CSMD1: variants seen among roughly 807,000 people sequenced by gnomAD.
The protein encoded by CSMD1 is CUB and Sushi multiple domains 1.
A neutral mutation model predicts 417.5 loss-of-function variants in CSMD1; 213 were observed. The ratio of observed to expected loss-of-function variants is 0.51; its 90% CI spans 0.46 to 0.57. The LOEUF (loss-of-function observed/expected upper bound fraction) is 0.57. Among genes scored for constraint, CSMD1 ranks in the 20% least tolerant of loss-of-function variants. CSMD1 has a pLI of 0.00. For synonymous variants in CSMD1, 2,862 were observed against 1,736.8 expected (o/e 1.65, Z -16.11); for missense variants, 6,923 against 4,529.7 (o/e 1.53, Z -15.17).
chr8:4,359,038 GC>G (rs773802991), intron 3 of CSMD1, among the ~76,000 whole-genome samples: 1 of 151,906 alleles, frequency 6.6e-6, no homozygotes. Context: ...TATATATGTG[GC>G]AAAATCAATA....
At chr8:4,009,480 G>A (rs1816381346) in intron 4 of CSMD1, among the ~76,000 whole-genome samples, 1 of 152,008 alleles carries the variant, frequency 6.6e-6, no homozygotes, top group Non-Finnish European at 1.5e-5. Context: ...CAAACCATAG[G>A]GTCATCAAAT....
rs147492677 is a variant in CSMD1, at chr8:4,937,090, G to C, written c.85+57242C>G. On this transcript the variant is annotated intron_variant, in intron 1 of 69. Transcript: ENST00000635120. Reference sequence around the variant, plus strand: ...TAGCCAGGCATTGTGGCACACACCTGTAGTCCCAGCTATCCAGGAGGCTGA... The same window carrying C: ...TAGCCAGGCATTGTGGCACACACCTCTAGTCCCAGCTATCCAGGAGGCTGA... 3.7e-3 allele frequency among the ~76,000 whole-genome samples: 560 copies of C among 152,270 alleles called. 5 individuals are homozygous for C. The highest frequency in any genetic ancestry group is 0.013 in the African/African-American group (531 of 41,548).
intron 3 of CSMD1, among the ~76,000 whole-genome samples, chr8:4,412,273 G>A (rs11775580): frequency 0.024 from 3,605 of 152,222 alleles, 61 homozygotes; most frequent in Middle Eastern, 0.037. Flanking sequence ...GATTTCTCAT[G>A]AATAGTTTAC....
chr8:4,357,297 C>T (rs552535192), intron 3 of CSMD1, among the ~76,000 whole-genome samples: 1 of 152,294 alleles, frequency 6.6e-6, no homozygotes, highest in South Asian at 2.1e-4. Flanking sequence ...GGCCATTGTG[C>T]TTTCTCACAT....
intron 3 of CSMD1, among the ~76,000 whole-genome samples, chr8:4,171,138 C>T (rs1274393914): frequency 6.6e-6 from 1 of 151,884 alleles, no homozygotes; most frequent in Admixed American, 6.5e-5. Flanking sequence ...GGTATCCATG[C>T]TCCTGCTTAG....
At chr8:4,593,240 GA>G (rs1800078481) in intron 2 of CSMD1, among the ~76,000 whole-genome samples, 1 of 152,134 alleles carries the variant, frequency 6.6e-6, no homozygotes, top group Non-Finnish European at 1.5e-5. Flanking sequence ...AAGGTTAATG[GA>G]ATTTCCGCAG....
At chr8:3,560,669 G>A (rs535665256) in intron 10 of CSMD1, among the ~76,000 whole-genome samples, 1 of 152,100 alleles carries the variant, frequency 6.6e-6, no homozygotes, top group Non-Finnish European at 1.5e-5. Flanking sequence ...GTCTTTTACT[G>A]TCTTCATGGA....
At chr8:4,755,513 C>T (rs963528598) in intron 1 of CSMD1, among the ~76,000 whole-genome samples, 1 of 152,028 alleles carries the variant, frequency 6.6e-6, no homozygotes, top group Non-Finnish European at 1.5e-5. Context: ...ATTGATGTTT[C>T]CTGCTTTCAA....
chr8:4,134,726 G>A (rs1803313353), intron 3 of CSMD1, among the ~76,000 whole-genome samples: 1 of 152,088 alleles, frequency 6.6e-6, no homozygotes, highest in Non-Finnish European at 1.5e-5. Context: ...CTTACTACAA[G>A]AGTCTCCTCC....
chr8:3,898,881 C>T (rs1446388064), intron 5 of CSMD1, among the ~76,000 whole-genome samples: 5 of 152,056 alleles, frequency 3.3e-5, no homozygotes, highest in Non-Finnish European at 2.9e-5. Context: ...TGTTGGTCCC[C>T]TTAGGGGTTA....
intron 45 of CSMD1, chr8:3,106,884 C>T: frequency 2.9e-6 from 1 of 350,636 alleles, no homozygotes; most frequent in Non-Finnish European, 5.1e-6. Context: ...TCTTCCTTGA[C>T]TGAGGCATCC....
chr8:4,861,337 T>C (rs998080563), intron 1 of CSMD1, among the ~76,000 whole-genome samples: 1 of 152,120 alleles, frequency 6.6e-6, no homozygotes, highest in Non-Finnish European at 1.5e-5. Context: ...ATGTGAAGCT[T>C]GACATTTCAG....
chr8:4,301,784 A>G (rs1392831130), intron 3 of CSMD1, among the ~76,000 whole-genome samples: 1 of 152,178 alleles, frequency 6.6e-6, no homozygotes, highest in Non-Finnish European at 1.5e-5. Flanking sequence ...TCTAATTGTA[A>G]ACTCTTGATT....
intron 49 of CSMD1, among the ~76,000 whole-genome samples, chr8:3,066,716 G>A (rs6992732): frequency 0.64 from 96,561 of 151,926 alleles, 31,041 homozygotes; most frequent in Admixed American, 0.68. Flanking sequence ...CTGGTCATAA[G>A]GGAGATTACC....
At chr8:3,920,121 C>A (rs757970062) in intron 5 of CSMD1, among the ~76,000 whole-genome samples, 7 of 152,104 alleles carry the variant, frequency 4.6e-5, no homozygotes, top group Non-Finnish European at 8.8e-5. Context: ...GAAGTCATGA[C>A]TTTCCACACT....
chr8:4,368,003 A>G (rs941358366), intron 3 of CSMD1, among the ~76,000 whole-genome samples: 3 of 151,878 alleles, frequency 2.0e-5, no homozygotes, highest in Non-Finnish European at 2.9e-5. Context: ...GTGAAGTGAG[A>G]CACCTTTTCT....
chr8:3,605,034 G>C (rs186497703), intron 8 of CSMD1, among the ~76,000 whole-genome samples: 6 of 152,230 alleles, frequency 3.9e-5, no homozygotes, highest in African/African-American at 1.2e-4. Context: ...CTTTTGAGGA[G>C]TCACTGCTGG....
At chr8:3,305,117 G>C (rs1804728131) in intron 25 of CSMD1, among the ~76,000 whole-genome samples, 1 of 152,234 alleles carries the variant, frequency 6.6e-6, no homozygotes, top group Middle Eastern at 3.4e-3. Context: ...CTGGGCTCAA[G>C]ACATCCTCTT....
chr8:4,681,301 T>C (rs1429278191), intron 1 of CSMD1, among the ~76,000 whole-genome samples: 3 of 152,160 alleles, frequency 2.0e-5, no homozygotes, highest in Non-Finnish European at 2.9e-5. Context: ...TATCGTTACA[T>C]TTGAAAAGAG....
Sources: allele counts gnomAD v4.1 joint callset (sites outside exome capture counted in the v4.1 genomes callset), GRCh38; gene constraint gnomAD v4.1.1; transcripts MANE v1.5; gene names NCBI Gene and HGNC (gene_info 2026-07-23, HGNC 2026-07-21).